Variants in BCAP29 observed in about 807,000 individuals in gnomAD.
BCAP29 encodes B cell receptor associated protein 29.
A neutral mutation model predicts 31.8 loss-of-function variants in BCAP29; 34 were observed. The ratio of observed to expected loss-of-function variants is 1.07; its 90% confidence interval spans 0.81 to 1.42. The LOEUF (loss-of-function observed/expected upper bound fraction) is 1.42. BCAP29 is among the 40% of genes most tolerant of loss of function. BCAP29 has a pLI of 0.00. For synonymous variants in BCAP29, 104 were observed against 91.3 expected (o/e 1.14, Z -0.79); for missense variants, 314 against 269.2 (o/e 1.17, Z -1.16).
At chr7:107,604,888 T>C (rs775536912) in intron 6 of BCAP29, among the ~76,000 whole-genome samples, 1 of 151,878 alleles carries the variant, frequency 6.6e-6, no homozygotes, top group Non-Finnish European at 1.5e-5. Context: ...ATATAATTAA[T>C]AGTATTTTAA....
chr7:107,621,790 T>TG (rs1048694980), downstream of BCAP29: 1 of 481,860 alleles, frequency 2.1e-6, no homozygotes, highest in African/African-American at 2.0e-5. Context: ...AGCAGGAGCA[T>TG]GGCCCTACAG....
At chr7:107,585,090 G>A (rs890626727) in intron 3 of BCAP29, among the ~76,000 whole-genome samples, 1 of 152,188 alleles carries the variant, frequency 6.6e-6, no homozygotes, top group East Asian at 1.9e-4. Context: ...ACTTGTCTAA[G>A]ATTATCTAGC....
intron 6 of BCAP29, among the ~76,000 whole-genome samples, chr7:107,601,227 G>A (rs912012081): frequency 2.0e-5 from 3 of 152,198 alleles, no homozygotes; most frequent in African/African-American, 7.2e-5. Context: ...TTTGTGGCTT[G>A]ATGATTTGCA....
intron 6 of BCAP29, among the ~76,000 whole-genome samples, chr7:107,612,685 A>T (rs1228866446): frequency 1.3e-5 from 2 of 151,958 alleles, no homozygotes; most frequent in African/African-American, 4.8e-5. Context: ...GGATGCCCTG[A>T]GAAGCATTTA....
intron 6 of BCAP29, among the ~76,000 whole-genome samples, chr7:107,602,964 C>CTTTTTTTTTTTTTTTTTTTTTTTTTTT (rs34887499): frequency 1.5e-5 from 1 of 68,288 alleles, no homozygotes; most frequent in African/African-American, 6.2e-5. Context: ...TTCTTTTATT[C>CTTTTTTTTTTTTTTTTTTTTTTTTTTT]TTTTTTTTTT....
chr7:107,613,686 A>C (rs1338700524), intron 7 of BCAP29: 1 of 1,605,756 alleles, frequency 6.2e-7, no homozygotes, highest in East Asian at 2.2e-5. Context: ...TAAGCAAAAG[A>C]AGCCACAAAA....
Position 107,597,919 on chromosome 7 carries a change from A to AT in BCAP29, c.480+1926dup, listed in dbSNP as rs968791437. 3.6e-4 allele frequency among the ~76,000 whole-genome samples: 55 copies of AT among 151,852 alleles called. 1 individual carries two copies. Among genetic ancestry groups the AT allele is most frequent in the African/African-American group, 1.2e-3 (50 of 41,428 alleles). On this transcript the variant is annotated intron_variant, in intron 5 of 7. Coordinates refer to ENST00000005259, the MANE Select transcript of BCAP29 (RefSeq NM_018844.4). ...TGTGATAGAGCTTTACTTTGTCCTG[A>AT]TTTTTTTTTCCAGCCACGTAACTTA...
chr7:107,595,809 TTTAAA>T, intron 4 of BCAP29, 53 bp from the exon 5 acceptor site: 1 of 1,559,358 alleles, frequency 6.4e-7, no homozygotes, highest in Non-Finnish European at 8.6e-7. Flanking sequence ...CAATGACTGT[TTTAAA>T]ATAAGTTTCT....
At chr7:107,597,545 T>C (rs570555924) in intron 5 of BCAP29, among the ~76,000 whole-genome samples, 1 of 152,212 alleles carries the variant, frequency 6.6e-6, no homozygotes, top group Non-Finnish European at 1.5e-5. Context: ...TGCCAGGTAT[T>C]GCTTCATATG....
chr7:107,612,153 T>G (rs946042001), intron 6 of BCAP29, among the ~76,000 whole-genome samples: 13 of 152,044 alleles, frequency 8.6e-5, no homozygotes, highest in African/African-American at 3.1e-4. Context: ...GCTTTTAAAT[T>G]TATAAATTCT....
intron 6 of BCAP29, among the ~76,000 whole-genome samples, chr7:107,607,085 C>T (rs1020682978): frequency 6.6e-6 from 1 of 152,160 alleles, no homozygotes; most frequent in East Asian, 1.9e-4. Context: ...GAGGCCGGGG[C>T]AGGTGGATCA....
intron 3 of BCAP29, among the ~76,000 whole-genome samples, chr7:107,591,945 T>C (rs1808927079): frequency 6.6e-6 from 1 of 151,938 alleles, no homozygotes; most frequent in Non-Finnish European, 1.5e-5. Context: ...TCTTTGTGCT[T>C]ATTTTTTTTT....
At chr7:107,585,789 C>T (rs892160474) in intron 3 of BCAP29, among the ~76,000 whole-genome samples, 6 of 152,088 alleles carry the variant, frequency 3.9e-5, no homozygotes, top group Non-Finnish European at 7.4e-5. Flanking sequence ...TCAGGAATTC[C>T]AGACCAGCTT....
chr7:107,611,735 A>G (rs1190158459), intron 6 of BCAP29, among the ~76,000 whole-genome samples: 1 of 152,266 alleles, frequency 6.6e-6, no homozygotes, highest in Non-Finnish European at 1.5e-5. Flanking sequence ...GTGACATCAC[A>G]TTAAATTTGT....
chr7:107,617,619 A>G (rs1814424462), intron 7 of BCAP29, among the ~76,000 whole-genome samples: 1 of 152,152 alleles, frequency 6.6e-6, no homozygotes. Flanking sequence ...TTTTTTATCA[A>G]AAGGGGGCCA....
chr7:107,621,674 G>A (rs1011257482), downstream of BCAP29: 1 of 471,446 alleles, frequency 2.1e-6, no homozygotes, highest in Non-Finnish European at 4.4e-6. Context: ...AAAGCACAGT[G>A]ACCACAGAGG....
intron 3 of BCAP29, among the ~76,000 whole-genome samples, chr7:107,588,475 C>T (rs1345949957): frequency 2.0e-5 from 3 of 152,064 alleles, no homozygotes; most frequent in Admixed American, 6.6e-5. Context: ...CATAGCAAAA[C>T]GGGTTGTATT....
At position 107,620,226 on chromosome 7, in the gene BCAP29, G is replaced by C. The variant is rs1344999353; in HGVS notation, c.*1863G>C. ...CATTGATAGTTAGATTCAGGGCCAG[G>C]CTGTAAGTCTAGAATTTAGATATCC... On this transcript the variant is annotated 3_prime_UTR_variant, in exon 8 of 8. Coordinates refer to ENST00000005259, the MANE Select transcript of BCAP29 (RefSeq NM_018844.4). The C allele has an allele frequency of 1.3e-5, 2 of 152,150 alleles. No homozygotes were observed. Among genetic ancestry groups the C allele is most frequent in the Non-Finnish European group, 1.5e-5 (1 of 68,024 alleles). The allele number at this position is 152,150 out of a possible 1,614,324, so 9.4% of individuals were successfully genotyped here. A position where few individuals can be genotyped will look rare whatever the true frequency, so the allele number is the denominator to read the frequency against.
At chr7:107,607,635 CTTTT>C (rs57817003) in intron 6 of BCAP29, among the ~76,000 whole-genome samples, 1 of 132,634 alleles carries the variant, frequency 7.5e-6, no homozygotes. Context: ...CTTTCTTTTT[CTTTT>C]TTTTTTTTTT....
Sources: gnomAD v4.1 joint callset for allele counts (sites outside exome capture counted in the v4.1 genomes callset) on GRCh38, gnomAD v4.1.1 for gene constraint, MANE v1.5 for transcripts, NCBI Gene and HGNC (gene_info 2026-07-23, HGNC 2026-07-21) for gene names.